CSMD1: variants seen among roughly 807,000 people sequenced by gnomAD.
CSMD1 encodes the protein CUB and sushi domain-containing protein 1.
A neutral mutation model predicts 417.5 loss-of-function variants in CSMD1; 213 were observed. The ratio of observed to expected loss-of-function variants is 0.51; its 90% CI spans 0.46 to 0.57. The LOEUF is 0.57. Among genes scored for constraint, CSMD1 ranks in the 20% least tolerant of loss-of-function variants. The pLI is 0.00. For synonymous variants in CSMD1, 2,862 were observed against 1,736.8 expected, an observed-to-expected ratio of 1.65 and a Z score of -16.11; for missense variants, 6,923 against 4,529.7, an observed-to-expected ratio of 1.53 and a Z score of -15.17.
rs185696723 is a variant in CSMD1 at position 3,405,980 on chromosome 8, G to C, written c.2266+47C>G. On this transcript the variant is annotated intron_variant, in intron 15 of 69. Coordinates refer to ENST00000635120, the MANE Select transcript of CSMD1 (RefSeq NM_033225.6). ...TGGTTTGTGTGTGTGCCTGAAGATAGATGTGTGATTTCAAAGGAGAAGAGC... is the reference window on the plus strand; with the variant it reads ...TGGTTTGTGTGTGTGCCTGAAGATACATGTGTGATTTCAAAGGAGAAGAGC... The C allele has an allele frequency of 3.6e-5, 56 of 1,567,658 alleles. 1 individual carries two copies. Among genetic ancestry groups the C allele is most frequent in the Admixed American group, 1.6e-4 (9 of 57,724 alleles).
intron 3 of CSMD1, among the ~76,000 whole-genome samples, chr8:4,346,436 G>A (rs1800781887): frequency 6.6e-6 from 1 of 152,028 alleles, no homozygotes; most frequent in South Asian, 2.1e-4. Context: ...CACAGTATCT[G>A]GCCCTTTAAA....
intron 23 of CSMD1, among the ~76,000 whole-genome samples, chr8:3,324,219 C>T (rs1017440316): frequency 1.7e-5 from 2 of 117,022 alleles, no homozygotes; most frequent in Non-Finnish European, 3.5e-5. Context: ...ACACACCCAA[C>T]CCCAGAGACC....
intron 65 of CSMD1, 63 bp from the exon 66 acceptor site, chr8:2,951,338 T>G (rs1513337): frequency 0.46 from 679,446 of 1,489,088 alleles, 158,473 homozygotes; most frequent in East Asian, 0.5. Context: ...TCAGACATTA[T>G]TAAACACAGA....
intron 31 of CSMD1, among the ~76,000 whole-genome samples, chr8:3,203,766 A>T (rs1199996498): frequency 6.6e-6 from 1 of 152,194 alleles, no homozygotes; most frequent in African/African-American, 2.4e-5. Flanking sequence ...TTTAGAAAGA[A>T]TTCTTGGCTA....
chr8:3,467,434 T>A (rs1816846859), intron 12 of CSMD1, among the ~76,000 whole-genome samples: 1 of 152,224 alleles, frequency 6.6e-6, no homozygotes, highest in Non-Finnish European at 1.5e-5. Flanking sequence ...CACAGTCACA[T>A]AAAAGTTCAA....
In CSMD1 at chr8:3,499,521, G is replaced by A. The variant is rs149674268; in HGVS notation, c.1345-5795C>T. 2.6e-3 allele frequency among the ~76,000 whole-genome samples: 401 copies of A among 152,210 alleles called. 4 individuals carry two copies. Among genetic ancestry groups the A allele is most frequent in the African/African-American group, 9.2e-3 (384 of 41,548 alleles). On this transcript the variant is annotated intron_variant, in intron 10 of 69. Coordinates refer to ENST00000635120, the MANE Select transcript of CSMD1 (RefSeq NM_033225.6). ...TGGAGTGGGGGGAGTGTTCACTGCT[G>A]GCAGCAGTACCCAAAAGGCCAGTCC... is the stretch of plus-strand genomic sequence containing the variant.
chr8:3,156,578 G>C (rs527445479), intron 39 of CSMD1, among the ~76,000 whole-genome samples: 1 of 152,148 alleles, frequency 6.6e-6, no homozygotes, highest in African/African-American at 2.4e-5. Context: ...GGAGCTCAGA[G>C]AGCATTGAGG....
At chr8:3,972,815 G>C (rs11990330) in intron 5 of CSMD1, among the ~76,000 whole-genome samples, 36,967 of 152,010 alleles carry the variant, frequency 0.24, 4,611 homozygotes, top group East Asian at 0.39. Context: ...GAATAATTTT[G>C]GATATTCACA....
In CSMD1 at chr8:3,091,669, G is replaced by C. The variant is rs748436316; in HGVS notation, c.7139-7C>G. ...GGACTTTGCCCAGAAGAACCTAAGT[G>C]AAACAGAAAAACAAAAACATTCAGA... On this transcript the variant is annotated splice_polypyrimidine_tract_variant and splice_region_variant and intron_variant, in intron 47 of 69. Coordinates refer to ENST00000635120, the MANE Select transcript of CSMD1 (RefSeq NM_033225.6). The C allele has an allele frequency of 1.2e-6, 2 of 1,604,020 alleles. No individual in the cohort carries two copies. The highest frequency in any genetic ancestry group is 2.2e-5 in the East Asian group (1 of 44,486).
At chr8:4,779,877 G>T (rs900687863) in intron 1 of CSMD1, among the ~76,000 whole-genome samples, 1 of 152,060 alleles carries the variant, frequency 6.6e-6, no homozygotes, top group Non-Finnish European at 1.5e-5. Flanking sequence ...CCCCAGGCTT[G>T]CTGCTTCGGG....
At chr8:4,918,930 G>C (rs187717650) in intron 1 of CSMD1, among the ~76,000 whole-genome samples, 6 of 152,138 alleles carry the variant, frequency 3.9e-5, no homozygotes, top group Non-Finnish European at 7.3e-5. Flanking sequence ...ATTCTGGGGG[G>C]TGTATGTATG....
intron 5 of CSMD1, among the ~76,000 whole-genome samples, chr8:3,950,543 G>A (rs1423320850): frequency 6.6e-6 from 1 of 152,212 alleles, no homozygotes; most frequent in Non-Finnish European, 1.5e-5. Context: ...GCATGACAGA[G>A]CCTCAATACA....
intron 27 of CSMD1, among the ~76,000 whole-genome samples, chr8:3,227,163 G>T (rs923893721): frequency 1.3e-5 from 2 of 152,162 alleles, no homozygotes; most frequent in African/African-American, 4.8e-5. Flanking sequence ...CACTTTGGGA[G>T]TCTGAGGCAG....
At chr8:3,558,366 A>ACGG (rs1799272438) in intron 10 of CSMD1, among the ~76,000 whole-genome samples, 1 of 104,798 alleles carries the variant, frequency 9.5e-6, no homozygotes, top group Non-Finnish European at 2.5e-5. Context: ...CCAATGATGA[A>ACGG]TGGTGCCTCA....
rs186187311 is a variant in CSMD1, at chr8:4,824,411, T to A, written c.85+169921A>T. Among the ~76,000 whole-genome samples the A allele has an allele frequency of 2.3e-3, 346 of 152,234 alleles. 1 individual carries two copies. Among genetic ancestry groups the A allele is most frequent in the African/African-American group, 7.9e-3 (328 of 41,562 alleles). ...AAAGTGATTAAGTCCCTGAGACCTC[T>A]AAGCTAACATGTGGTTCCGGGTAGA... On this transcript the variant is annotated intron_variant, in intron 1 of 69. Coordinates refer to ENST00000635120, the MANE Select transcript of CSMD1 (RefSeq NM_033225.6).
At chr8:3,345,023 C>G (rs1281958736) in intron 22 of CSMD1, among the ~76,000 whole-genome samples, 1 of 152,102 alleles carries the variant, frequency 6.6e-6, no homozygotes, top group African/African-American at 2.4e-5. Context: ...GAATCTGGGT[C>G]AAAGAGAAAA....
At chr8:4,285,818 A>T (rs1039551835) in intron 3 of CSMD1, among the ~76,000 whole-genome samples, 1 of 152,164 alleles carries the variant, frequency 6.6e-6, no homozygotes, top group Non-Finnish European at 1.5e-5. Flanking sequence ...AATTTCACAG[A>T]AGATCATGTG....
chr8:4,352,350 T>A (rs1801147827), intron 3 of CSMD1, among the ~76,000 whole-genome samples: 1 of 152,202 alleles, frequency 6.6e-6, no homozygotes, highest in Non-Finnish European at 1.5e-5. Flanking sequence ...ATTTAGAATG[T>A]TCTCAGATAA....
Position 3,708,475 on chromosome 8 carries a change from C to G in CSMD1, c.948G>C (p.Glu316Asp). ...NAQFQVKKAI[E>D]LKSRGVKMLP... ...GCATCTTGACTCCTCTTGACTTCAA[C>G]TCAATCGCCTTTTTCACTGGAAGAA... Residue 316 changes from glutamate (E) to aspartate (D), a missense_variant, in exon 7 of 70, where the codon GAG (glutamate) becomes GAC (aspartate). Coordinates refer to ENST00000635120, the MANE Select transcript of CSMD1 (RefSeq NM_033225.6). 6.2e-7 allele frequency: 1 copy of G among 1,613,922 alleles called. No homozygotes were observed. The highest frequency in any genetic ancestry group is 8.5e-7 in the Non-Finnish European group (1 of 1,179,858).
Sources: gnomAD v4.1 joint callset for allele counts (sites outside exome capture counted in the v4.1 genomes callset) on GRCh38, gnomAD v4.1.1 for gene constraint, MANE v1.5 for transcripts, NCBI Gene and HGNC (gene_info 2026-07-23, HGNC 2026-07-21) for gene names.